The following CAMK2B variants were observed in gnomAD, a reference collection of about 807,000 sequenced individuals.
CAMK2B encodes calcium/calmodulin-dependent protein kinase type II subunit beta.
Under a neutral mutation model 93.7 loss-of-function variants are expected in CAMK2B, and 27 were observed. That is an observed-to-expected ratio of 0.29 (90% CI 0.21 to 0.40). The LOEUF is 0.40. Among genes scored for constraint, CAMK2B ranks in the 10% least tolerant of loss-of-function variants. The pLI is 1.00. For synonymous variants in CAMK2B, 374 were observed against 358.8 expected (o/e 1.04, Z -0.48); for missense variants, 568 against 895.8 (o/e 0.63, Z 4.67).
chr7:44,239,886 G>T (rs919756504), intron 12 of CAMK2B, among the ~76,000 whole-genome samples: 1 of 152,212 alleles, frequency 6.6e-6, no homozygotes, highest in African/African-American at 2.4e-5. Flanking sequence ...GAAAACCCCA[G>T]TGGGGGCTTC....
At chr7:44,229,362 A>G in intron 18 of CAMK2B, 26 bp downstream of exon 18, 6 of 1,466,734 alleles carry the variant, frequency 4.1e-6, no homozygotes, top group Non-Finnish European at 5.5e-6. Context: ...CATGACCCCC[A>G]CAGCAGCAGG....
At chr7:44,250,480 T>A (rs2096769722) in intron 5 of CAMK2B, among the ~76,000 whole-genome samples, 1 of 151,946 alleles carries the variant, frequency 6.6e-6, no homozygotes, top group South Asian at 2.1e-4. Context: ...CCGCAGACAG[T>A]CAGCATTGCA....
chr7:44,312,436 G>A lies in CAMK2B; in HGVS notation c.65+12921C>T, dbSNP rs2116227227. Among the ~76,000 whole-genome samples, 1 of 152,178 alleles carries A rather than the reference G, an allele frequency of 6.6e-6. No homozygotes were observed. Among genetic ancestry groups the A allele is most frequent in the Non-Finnish European group, 1.5e-5 (1 of 68,000 alleles). ...GCAGGAGAAGGAGGGCCACCCAAAA[G>A]ACAGGATCCTTTAAGTGAAAGGAGA... is the stretch of plus-strand genomic sequence containing the variant. On this transcript the variant is annotated intron_variant, in intron 1 of 23. Transcript: ENST00000395749. This position sits in a 1 kb window ranked among gnomAD's most constrained non-coding sequence, Gnocchi z 4.1.
chr7:44,238,254 G>A (rs976699801), intron 13 of CAMK2B, among the ~76,000 whole-genome samples: 6 of 152,198 alleles, frequency 3.9e-5, no homozygotes, highest in African/African-American at 7.2e-5. Context: ...AGCTGCTCTC[G>A]GCGCCCAGGG....
chr7:44,230,918 A>T, intron 17 of CAMK2B, 88 bp downstream of exon 17: 1 of 1,121,022 alleles, frequency 8.9e-7, no homozygotes, highest in Non-Finnish European at 1.3e-6. Flanking sequence ...GTCGCAGGAG[A>T]GTTGACCCTG....
chr7:44,266,035 T>G (rs142312973), intron 2 of CAMK2B, among the ~76,000 whole-genome samples: 203 of 152,252 alleles, frequency 1.3e-3, no homozygotes, highest in African/African-American at 4.7e-3. Flanking sequence ...GTTACTTCCA[T>G]AATTTAGCAA....
chr7:44,301,717 C>T (rs1790092537), intron 1 of CAMK2B, among the ~76,000 whole-genome samples: 1 of 151,574 alleles, frequency 6.6e-6, no homozygotes, highest in Admixed American at 6.6e-5. Context: ...TCGGAGGTTG[C>T]AGTAAGCCGA....
rs930335860 is a variant in CAMK2B at position 44,224,368 on chromosome 7, G to A, written c.1597+2148C>T. On this transcript the variant is annotated intron_variant, in intron 20 of 23. Coordinates refer to ENST00000395749, the MANE Select transcript of CAMK2B (RefSeq NM_001220.5). The surrounding 1 kb of genome is among the most constrained non-coding windows in gnomAD (Gnocchi z 4.4). The stretch of plus-strand genomic sequence containing the variant: ...TGATCCCTGATGGAGGGAAAGGAGG[G>A]GGGCCCAACATGAAGAGGTGCCCGG... Among the ~76,000 whole-genome samples the A allele has an allele frequency of 6.6e-6, 1 of 152,226 alleles. No individual in the cohort carries two copies. The highest frequency in any genetic ancestry group is 2.4e-5 in the African/African-American group (1 of 41,464).
chr7:44,319,957 C>T (rs1795684036), intron 1 of CAMK2B, among the ~76,000 whole-genome samples: 1 of 151,954 alleles, frequency 6.6e-6, no homozygotes, highest in Non-Finnish European at 1.5e-5. Flanking sequence ...TATATATGTA[C>T]ACACACACAT....
chr7:44,226,544 C>A lies in CAMK2B; in HGVS notation c.1569G>T (p.Pro523=), dbSNP rs546517142. The part of the protein sequence containing the change: ...SPVGPPPCPS[P]TIPGPLPTPS... Reference sequence around the variant, plus strand: ...GGGTGGGCAGGGGGCCAGGGATAGTCGGAGATGGGCAGGGCGGGGGCCCCA... The same window carrying A: ...GGGTGGGCAGGGGGCCAGGGATAGTAGGAGATGGGCAGGGCGGGGGCCCCA... Residue 523 remains proline (P), a synonymous_variant, in exon 20 of 24, where the codon CCG becomes CCT. Transcript: ENST00000395749. The A allele has an allele frequency of 2.0e-6, 3 of 1,471,188 alleles. No individual in the cohort carries two copies. Among genetic ancestry groups the A allele is most frequent in the Non-Finnish European group, 2.7e-6 (3 of 1,115,036 alleles). The allele number at this position is 1,471,188 out of a possible 1,614,324, so 91.1% of individuals were successfully genotyped here. A position where few individuals can be genotyped will look rare whatever the true frequency, so the allele number is the denominator to read the frequency against.
Position 44,226,594 on chromosome 7 carries a change from G to C in CAMK2B, c.1519C>G (p.Pro507Ala). The change falls in exon 20 of 24, where the codon CCA becomes GCA. Residue 507 changes from proline to alanine, a missense_variant. Transcript: ENST00000395749. ...ACTGGCGAGGGGCCCTCGGCTTCTGGGGTCCCTGAGCCCCTCCTCACAGAG... is the reference window on the plus strand; with the variant it reads ...ACTGGCGAGGGGCCCTCGGCTTCTGCGGTCCCTGAGCCCCTCCTCACAGAG... ...LNSVRRGSGT[P>A]EAEGPSPVGP... is the part of the protein sequence containing the mutation. 1 of 1,512,916 alleles carries C rather than the reference G, an allele frequency of 6.6e-7. No homozygotes were observed. The highest frequency in any genetic ancestry group is 8.8e-7 in the Non-Finnish European group (1 of 1,139,652). 93.7% of individuals were successfully genotyped at this position (1,512,916 alleles called of 1,614,324 possible).
At chr7:44,241,417 G>A (rs2096677312) in intron 11 of CAMK2B, among the ~76,000 whole-genome samples, 1 of 152,214 alleles carries the variant, frequency 6.6e-6, no homozygotes, top group African/African-American at 2.4e-5. Context: ...GCAGAGCCCG[G>A]GTGAGGAGCC....
At chr7:44,222,302 C>T (rs2096418098) in intron 20 of CAMK2B, among the ~76,000 whole-genome samples, 1 of 152,232 alleles carries the variant, frequency 6.6e-6, no homozygotes, top group Non-Finnish European at 1.5e-5. Context: ...TGCCCTCAAA[C>T]AGCTGCCCGC....
chr7:44,245,697 CAG>C (rs1054097667), intron 6 of CAMK2B, among the ~76,000 whole-genome samples: 2 of 152,118 alleles, frequency 1.3e-5, no homozygotes, highest in Non-Finnish European at 2.9e-5. Flanking sequence ...TGAGAGGGAA[CAG>C]GGGGTACGGT....
intron 5 of CAMK2B, among the ~76,000 whole-genome samples, chr7:44,251,485 C>T (rs1194685766): frequency 2.0e-5 from 3 of 152,214 alleles, no homozygotes; most frequent in African/African-American, 7.2e-5. Flanking sequence ...AGGAGGGGCC[C>T]CATGCTGAGG....
intron 6 of CAMK2B, among the ~76,000 whole-genome samples, 196 bp from the exon 7 acceptor site, chr7:44,243,723 C>T (rs2096704390): frequency 6.6e-6 from 1 of 152,128 alleles, no homozygotes; most frequent in Middle Eastern, 3.4e-3. Flanking sequence ...AGCCTGCAAC[C>T]CCACAGCCCC....
intron 1 of CAMK2B, among the ~76,000 whole-genome samples, chr7:44,323,418 T>G (rs138437280): frequency 1.3e-5 from 2 of 152,314 alleles, no homozygotes; most frequent in East Asian, 3.9e-4. Context: ...CCCCACCTGG[T>G]CTCCACCTCT....
intron 16 of CAMK2B, among the ~76,000 whole-genome samples, chr7:44,231,708 C>T (rs3808318): frequency 0.13 from 19,849 of 152,190 alleles, 1,455 homozygotes; most frequent in South Asian, 0.25. Flanking sequence ...TGGGACTGGA[C>T]GTCCAGTCAG....
intron 1 of CAMK2B, among the ~76,000 whole-genome samples, chr7:44,310,255 C>T (rs930880383): frequency 1.3e-5 from 2 of 152,180 alleles, no homozygotes. Context: ...TAGAAATGTC[C>T]ACGTAATCAG....
Sources: gnomAD v4.1 joint callset for allele counts (sites outside exome capture counted in the v4.1 genomes callset) on GRCh38, gnomAD v4.1.1 for gene constraint, Gnocchi (gnomAD v3.1) non-coding constraint, MANE v1.5 for transcripts, NCBI Gene and HGNC (gene_info 2026-07-23, HGNC 2026-07-21) for gene names.